The following HRH2 variants were observed in gnomAD, a reference collection of about 807,000 sequenced individuals.
HRH2 encodes the protein histamine H2 receptor.
HRH2 carries 4 observed loss-of-function variants against 20.1 expected under a neutral mutation model. The ratio of observed to expected loss-of-function variants is 0.20; its 90% confidence interval spans 0.10 to 0.45. HRH2 has a LOEUF of 0.45. Among genes scored for constraint, HRH2 ranks in the 20% least tolerant of loss-of-function variants. The pLI is 0.99. For missense variants in HRH2, 250 were observed against 461.6 expected, an observed-to-expected ratio of 0.54 and a Z score of 4.20; for synonymous variants, 197 against 200.7, an observed-to-expected ratio of 0.98 and a Z score of 0.16.
chr5:175,661,417 G>T (rs890839017), intron 1 of HRH2, among the ~76,000 whole-genome samples: 2 of 152,210 alleles, frequency 1.3e-5, no homozygotes, highest in African/African-American at 2.4e-5. Flanking sequence ...TCTGTTGTTT[G>T]TTGTATTCTT....
intron 2 of HRH2, among the ~76,000 whole-genome samples, chr5:175,705,228 G>C (rs998782833): frequency 3.3e-5 from 5 of 152,188 alleles, no homozygotes; most frequent in Admixed American, 3.3e-4. Flanking sequence ...CTCAGGAATA[G>C]CCAAGTCTTT....
rs920039913 is a variant in HRH2, at chr5:175,687,600, G to C, written c.1076+3291G>C. Among the ~76,000 whole-genome samples the C allele has an allele frequency of 6.6e-6, 1 of 152,026 alleles. No homozygotes were observed. Among genetic ancestry groups the C allele is most frequent in the Non-Finnish European group, 1.5e-5 (1 of 67,982 alleles). Reference sequence around the variant, plus strand: ...CAGGGCAGCTCACCCCACAGTCAGGGGCCCCGGCTGGTCCCACCATTCGAG... The same window carrying C: ...CAGGGCAGCTCACCCCACAGTCAGGCGCCCCGGCTGGTCCCACCATTCGAG... On this transcript the variant is annotated intron_variant, in intron 2 of 2. Transcript: ENST00000636584. The surrounding 1 kb of genome is among the most constrained non-coding windows in gnomAD (Gnocchi z 5.2).
intron 1 of HRH2, among the ~76,000 whole-genome samples, chr5:175,680,171 A>G (rs1382094360): frequency 6.6e-6 from 1 of 152,212 alleles, no homozygotes; most frequent in African/African-American, 2.4e-5. Flanking sequence ...ACGTCTGCCA[A>G]CGGACATCCT....
intron 1 of HRH2, among the ~76,000 whole-genome samples, chr5:175,672,767 A>C (rs1043950774): frequency 1.3e-5 from 2 of 152,132 alleles, no homozygotes; most frequent in African/African-American, 4.8e-5. Context: ...CAATAGAGAA[A>C]CACACGAAAT....
chr5:175,695,029 C>G (rs1756523632), intron 2 of HRH2, among the ~76,000 whole-genome samples: 1 of 152,152 alleles, frequency 6.6e-6, no homozygotes, highest in Non-Finnish European at 1.5e-5. Flanking sequence ...CCTGCCATTG[C>G]TGCCTGAGTG....
chr5:175,704,427 G>A (rs1454764182), intron 2 of HRH2, among the ~76,000 whole-genome samples: 1 of 151,968 alleles, frequency 6.6e-6, no homozygotes, highest in Non-Finnish European at 1.5e-5. Context: ...AAAACACTGA[G>A]TAAGTTTAAG....
At chr5:175,658,838 C>G (rs1581396662) in intron 1 of HRH2, among the ~76,000 whole-genome samples, 1 of 152,164 alleles carries the variant, frequency 6.6e-6, no homozygotes. Context: ...GAATCCCAAT[C>G]TGGGCAGTGA....
chr5:175,708,595 G>A lies in HRH2; in HGVS notation c.*624G>A, dbSNP rs1757014155. Reference sequence around the variant, plus strand: ...CCTGCCCAAGGCCACTCAGCACCTAGAAAGTGTGCCTAGCACATAGGAGGC... The same window carrying A: ...CCTGCCCAAGGCCACTCAGCACCTAAAAAGTGTGCCTAGCACATAGGAGGC... On this transcript the variant is annotated 3_prime_UTR_variant, in exon 3 of 3. Transcript: ENST00000636584. 2.0e-5 allele frequency: 3 copies of A among 152,290 alleles called. No homozygotes were observed. Among genetic ancestry groups the A allele is most frequent in the Admixed American group, 2.0e-4 (3 of 15,288 alleles). 9.4% of individuals were successfully genotyped at this position (152,290 alleles called of 1,614,324 possible).
chr5:175,695,872 G>A (rs1233310785), intron 2 of HRH2, among the ~76,000 whole-genome samples: 1 of 152,258 alleles, frequency 6.6e-6, no homozygotes. Context: ...CAGGTCCAAG[G>A]CCTGAGCCAG....
Position 175,683,074 on chromosome 5 carries a change from C to A in HRH2, c.-160C>A. ...GCAGCCCAGAGTCAGTCATTGAAGC[C>A]TTCCCCACCCCCTGGCCAAAAAAAA... On this transcript the variant is annotated 5_prime_UTR_variant, in exon 2 of 3. Transcript: ENST00000636584. 1.1e-6 allele frequency: 1 copy of A among 890,504 alleles called. No individual in the cohort carries two copies. The highest frequency in any genetic ancestry group is 1.7e-6 in the Non-Finnish European group (1 of 587,528). The allele number at this position is 890,504 out of a possible 1,614,324, so 55.2% of individuals were successfully genotyped here.
rs970271743 is a variant in HRH2, at chr5:175,687,814, T to C, written c.1076+3505T>C. Among the ~76,000 whole-genome samples, 1 of 152,154 alleles carries C rather than the reference T, an allele frequency of 6.6e-6. No individual in the cohort carries two copies. Among genetic ancestry groups the C allele is most frequent in the African/African-American group, 2.4e-5 (1 of 41,428 alleles). On this transcript the variant is annotated intron_variant, in intron 2 of 2. Transcript: ENST00000636584. The surrounding 1 kb of genome is among the most constrained non-coding windows in gnomAD (Gnocchi z 5.2). ...GTAGTGCCCCTGCTCAGGACCCTCCTCTGCCTCCCACGGCCGCCTGCACAT... is the reference window on the plus strand; with the variant it reads ...GTAGTGCCCCTGCTCAGGACCCTCCCCTGCCTCCCACGGCCGCCTGCACAT...
chr5:175,680,162 C>T (rs571819795), intron 1 of HRH2, among the ~76,000 whole-genome samples: 5 of 152,342 alleles, frequency 3.3e-5, no homozygotes, highest in Middle Eastern at 3.4e-3. Flanking sequence ...TGCCATTGCA[C>T]GTCTGCCAAC....
At chr5:175,694,153 G>A (rs1756482072) in intron 2 of HRH2, among the ~76,000 whole-genome samples, 1 of 152,170 alleles carries the variant, frequency 6.6e-6, no homozygotes, top group African/African-American at 2.4e-5. Flanking sequence ...CACACACCTG[G>A]CTGTGCCCAG....
intron 2 of HRH2, among the ~76,000 whole-genome samples, chr5:175,701,844 A>T (rs1282708796): frequency 6.6e-6 from 1 of 152,226 alleles, no homozygotes; most frequent in Non-Finnish European, 1.5e-5. Flanking sequence ...TGCTCGGCAG[A>T]TATCGCGTTA....
At chr5:175,679,596 G>T (rs1755889326) in intron 1 of HRH2, among the ~76,000 whole-genome samples, 1 of 152,214 alleles carries the variant, frequency 6.6e-6, no homozygotes. Flanking sequence ...ATCTAACTCG[G>T]TACAAAGTGC....
intron 1 of HRH2, among the ~76,000 whole-genome samples, chr5:175,678,668 G>T (rs550028822): frequency 2.0e-5 from 3 of 152,260 alleles, no homozygotes; most frequent in Non-Finnish European, 4.4e-5. Flanking sequence ...CGGGCACAGC[G>T]GTCGCTGCGT....
intron 1 of HRH2, among the ~76,000 whole-genome samples, chr5:175,669,277 C>T (rs946388195): frequency 6.6e-6 from 1 of 152,054 alleles, no homozygotes; most frequent in Admixed American, 6.6e-5. Context: ...TCCCTGCCAC[C>T]GTATAATATT....
rs1756185750 is a variant in HRH2, at chr5:175,686,734, GCCTCACTTCAT to G, written c.1076+2430_1076+2440del. On this transcript the variant is annotated intron_variant, in intron 2 of 2. Transcript: ENST00000636584. The surrounding 1 kb of genome is among the most constrained non-coding windows in gnomAD (Gnocchi z 4.7). The stretch of plus-strand genomic sequence containing the variant: ...CAGGGCTGGACCCTTGAGACTCAGG[GCCTCACTTCAT>G]CCTCCACACAACCCTGTGAAGCAGG... Among the ~76,000 whole-genome samples the G allele has an allele frequency of 5.9e-5, 9 of 152,328 alleles. No individual in the cohort carries two copies. The South Asian group carries it at 1.9e-3, about 32-fold the overall frequency.
chr5:175,707,902 A>G lies in HRH2; in HGVS notation c.1200A>G (p.Pro400=). The part of the protein sequence containing the change: ...GGPSEELSGE[P]LSEEPQKRPP... ...CCTCGGAGGAGCTATCGGGGGAGCCACTGTCTGAGGAGCCACAGAAGAGAC... is the reference window on the plus strand; with the variant it reads ...CCTCGGAGGAGCTATCGGGGGAGCCGCTGTCTGAGGAGCCACAGAAGAGAC... The change falls in exon 3 of 3, where the codon CCA becomes CCG. Residue 400 remains proline (P), a synonymous_variant. Transcript: ENST00000636584. The G allele has an allele frequency of 5.0e-6, 2 of 399,200 alleles. No homozygotes were observed. The highest frequency in any genetic ancestry group is 8.8e-6 in the Non-Finnish European group (2 of 226,190). The allele number at this position is 399,200 out of a possible 1,614,324, so 24.7% of individuals were successfully genotyped here.
Sources: allele counts gnomAD v4.1 joint callset (sites outside exome capture counted in the v4.1 genomes callset), GRCh38; gene constraint gnomAD v4.1.1; non-coding constraint Gnocchi (gnomAD v3.1); transcripts MANE v1.5; gene names NCBI Gene and HGNC (gene_info 2026-07-23, HGNC 2026-07-21).